Variants in JCAD observed in about 807,000 individuals in gnomAD.
JCAD encodes the protein junctional cadherin 5 associated.
JCAD carries 40 observed loss-of-function variants against 98.0 expected under a neutral mutation model. The observed-to-expected ratio is 0.41, with a 90% CI of 0.32 to 0.53. The LOEUF is 0.53. Ranked by LOEUF, JCAD falls within the 20% of genes least tolerant of loss-of-function variation. The pLI is 0.31. For synonymous variants in JCAD, 691 were observed against 682.3 expected, an observed-to-expected ratio of 1.01 and a Z score of -0.20; for missense variants, 1,705 against 1,738.1, an observed-to-expected ratio of 0.98 and a Z score of 0.34.
chr10:30,029,611 G>C lies in JCAD; in HGVS notation c.537C>G (p.Ala179=). The C allele has an allele frequency of 6.2e-7, 1 of 1,614,188 alleles. No homozygotes were observed. Among genetic ancestry groups the C allele is most frequent in the Non-Finnish European group, 8.5e-7 (1 of 1,180,044 alleles). ...WEEELRMSGP[A]KWQNVSLESW... ...TTTCCAGGCTGACGTTCTGCCACTT[G>C]GCAGGACCTGACATTCGCAATTCTT... is the stretch of plus-strand genomic sequence containing the variant. Residue 179 remains alanine (A), a synonymous_variant, in exon 3 of 4, where the codon GCC becomes GCG. Transcript: ENST00000375377.
chr10:30,062,715 G>T (rs1837718125), upstream of JCAD, among the ~76,000 whole-genome samples: 2 of 152,114 alleles, frequency 1.3e-5, no homozygotes, highest in South Asian at 4.1e-4. Flanking sequence ...ATGTGCAGGA[G>T]AACTACTCTT....
intron 2 of JCAD, among the ~76,000 whole-genome samples, chr10:30,045,583 C>T (rs533428889): frequency 7.2e-5 from 11 of 152,256 alleles, no homozygotes; most frequent in Non-Finnish European, 1.6e-4. Flanking sequence ...AACAAGCACC[C>T]GTTTGTGTGG....
At chr10:30,066,064 C>T (rs1837779025) in intron 2 of JCAD, among the ~76,000 whole-genome samples, 3 of 152,118 alleles carry the variant, frequency 2.0e-5, no homozygotes, top group Admixed American at 2.0e-4. Context: ...TGATCTGTGT[C>T]AAGAGAGGAA....
At chr10:30,109,079 C>T (rs1196699435) in intron 1 of JCAD, among the ~76,000 whole-genome samples, 3 of 152,116 alleles carry the variant, frequency 2.0e-5, no homozygotes, top group Non-Finnish European at 4.4e-5. Context: ...CAGCATCTTC[C>T]CTCGTCCTCA....
chr10:30,041,437 T>C (rs1837241009), intron 2 of JCAD, among the ~76,000 whole-genome samples: 2 of 152,204 alleles, frequency 1.3e-5, no homozygotes, highest in Non-Finnish European at 2.9e-5. Context: ...ACTTGAAGCA[T>C]TCTCTGTTTT....
At chr10:30,093,670 G>C (rs940990266) in intron 1 of JCAD, among the ~76,000 whole-genome samples, 1 of 152,186 alleles carries the variant, frequency 6.6e-6, no homozygotes, top group African/African-American at 2.4e-5. Flanking sequence ...CTGATCCTCA[G>C]GACTTAACTC....
At position 30,032,828 on chromosome 10, in the gene JCAD, G is replaced by A. The variant is rs144759635; in HGVS notation, c.282-2962C>T. ...ACAAACAGCAGCAGCTGCTTACACG[G>A]TGGTTGCTGTGTGCTAGGTCCAAGC... On this transcript the variant is annotated intron_variant, in intron 2 of 3. Coordinates refer to ENST00000375377, the MANE Select transcript of JCAD (RefSeq NM_020848.4). Among the ~76,000 whole-genome samples, 1,108 of 152,228 alleles carry A rather than the reference G, an allele frequency of 7.3e-3. 9 individuals carry two copies. Among genetic ancestry groups the A allele is most frequent in the African/African-American group, 0.025 (1,044 of 41,514 alleles).
chr10:30,058,609 G>C (rs1056791353), intron 1 of JCAD, among the ~76,000 whole-genome samples: 4 of 152,190 alleles, frequency 2.6e-5, no homozygotes, highest in Admixed American at 6.5e-5. Context: ...CTTTTTAGCA[G>C]CTAGTGCTGG....
intron 1 of JCAD, among the ~76,000 whole-genome samples, chr10:30,081,213 G>GA (rs2132682973): frequency 6.6e-6 from 1 of 152,326 alleles, no homozygotes; most frequent in Admixed American, 6.5e-5. Context: ...TAGTTTAACA[G>GA]ATTGGCTGGA....
intron 2 of JCAD, among the ~76,000 whole-genome samples, chr10:30,066,666 C>T (rs935333735): frequency 1.3e-5 from 2 of 152,170 alleles, no homozygotes; most frequent in Admixed American, 1.3e-4. Context: ...CCCACCATTC[C>T]ATACCAGCTA....
intron 2 of JCAD, among the ~76,000 whole-genome samples, chr10:30,030,374 G>A (rs184650436): frequency 6.6e-6 from 1 of 152,146 alleles, no homozygotes; most frequent in Admixed American, 6.5e-5. Flanking sequence ...CCAGGAGTTC[G>A]AGGCTGCAGT....
At chr10:30,029,909 T>A in intron 2 of JCAD, 43 bp from the exon 3 acceptor site, 1 of 1,545,098 alleles carries the variant, frequency 6.5e-7, no homozygotes. Context: ...AGAAGAAACA[T>A]GTCTTCATCT....
intron 1 of JCAD, among the ~76,000 whole-genome samples, chr10:30,106,632 C>G (rs550901504): frequency 6.6e-6 from 1 of 152,150 alleles, no homozygotes; most frequent in Non-Finnish European, 1.5e-5. Flanking sequence ...TCCTGAGTAG[C>G]TGGGGTTACA....
At chr10:30,019,647 G>A (rs753994131) in intron 3 of JCAD, among the ~76,000 whole-genome samples, 7 of 152,068 alleles carry the variant, frequency 4.6e-5, no homozygotes, top group Non-Finnish European at 8.8e-5. Flanking sequence ...TGGCCAAAGG[G>A]TACAAACCCT....
chr10:30,063,027 A>T (rs554522637), upstream of JCAD, among the ~76,000 whole-genome samples: 2 of 152,280 alleles, frequency 1.3e-5, no homozygotes, highest in African/African-American at 4.8e-5. Flanking sequence ...TGGACAAGGG[A>T]TGGTGGGCAA....
In JCAD at chr10:30,059,581, A is replaced by G. The variant is rs1300318598; in HGVS notation, c.-159T>C. 7.6e-6 allele frequency: 1 copy of G among 132,392 alleles called. No homozygotes were observed. Among genetic ancestry groups the G allele is most frequent in the Non-Finnish European group, 1.5e-5 (1 of 66,764 alleles). 8.2% of individuals were successfully genotyped at this position (132,392 alleles called of 1,614,324 possible). On this transcript the variant is annotated 5_prime_UTR_variant, in exon 1 of 4. An upstream start codon of the reference 5' UTR is lost. Coordinates refer to ENST00000375377, the MANE Select transcript of JCAD (RefSeq NM_020848.4). The surrounding 1 kb of genome is among the most constrained non-coding windows in gnomAD (Gnocchi z 5.0). The stretch of plus-strand genomic sequence containing the variant: ...CCGCCTGCAGCCGCCGAGGCCGAGC[A>G]TGCCCGGAGAACCGCCGTCCGCCCC...
At chr10:30,111,608 A>C (rs991543202) in intron 1 of JCAD, among the ~76,000 whole-genome samples, 2 of 152,224 alleles carry the variant, frequency 1.3e-5, no homozygotes, top group African/African-American at 4.8e-5. Context: ...GTGATGTGAC[A>C]TGACATGATA....
chr10:30,060,449 C>T (rs920179073), upstream of JCAD, among the ~76,000 whole-genome samples: 1 of 152,358 alleles, frequency 6.6e-6, no homozygotes, highest in East Asian at 1.9e-4. Flanking sequence ...AAAGATTAGA[C>T]TGCTGCCTGG....
intron 1 of JCAD, among the ~76,000 whole-genome samples, chr10:30,051,511 T>C (rs183463712): frequency 6.6e-5 from 10 of 152,218 alleles, no homozygotes; most frequent in Admixed American, 2.6e-4. Flanking sequence ...CTGAAATGTA[T>C]ACAAACGACA....
Sources: gnomAD v4.1 joint callset for allele counts (sites outside exome capture counted in the v4.1 genomes callset) on GRCh38, gnomAD v4.1.1 for gene constraint, Gnocchi (gnomAD v3.1) non-coding constraint, MANE v1.5 for transcripts, NCBI Gene and HGNC (gene_info 2026-07-23, HGNC 2026-07-21) for gene names.